The following PCDHGA5 variants were observed in gnomAD, a reference collection of about 807,000 sequenced individuals.
PCDHGA5 encodes protocadherin gamma subfamily A, 5, also known as protocadherin gamma-A5.
PCDHGA5 carries 36 observed loss-of-function variants against 56.7 expected under a neutral mutation model. That is an observed-to-expected ratio of 0.64 (90% CI 0.49 to 0.84). The LOEUF is 0.84. PCDHGA5 is among the 40% of genes least tolerant of loss of function. The pLI, the probability that PCDHGA5 is intolerant of heterozygous loss-of-function variation, is 0.00. For synonymous variants in PCDHGA5, 563 were observed against 520.2 expected (o/e 1.08, Z -1.12); for missense variants, 1,305 against 1,201.5 (o/e 1.09, Z -1.27).
chr5:141,421,265 T>G (rs2154549151), intron 1 of PCDHGA5: 1 of 1,596,914 alleles, frequency 6.3e-7, no homozygotes, highest in Non-Finnish European at 8.5e-7. Flanking sequence ...CGCAGTCGGC[T>G]GCTGCTGCTG....
At chr5:141,388,811 A>C (rs375009380) in intron 1 of PCDHGA5, 21 of 1,613,866 alleles carry the variant, frequency 1.3e-5, no homozygotes, top group Non-Finnish European at 1.6e-5. Context: ...ATTTTGAAGA[A>C]GTCAAAGAAT....
intron 1 of PCDHGA5, among the ~76,000 whole-genome samples, chr5:141,448,669 G>T: frequency 6.6e-6 from 1 of 152,136 alleles, no homozygotes; most frequent in East Asian, 1.9e-4. Flanking sequence ...GGCCGGGCGC[G>T]GTGGCTCACG....
chr5:141,374,893 TGAA>T, intron 1 of PCDHGA5: 1 of 1,613,834 alleles, frequency 6.2e-7, no homozygotes, highest in Non-Finnish European at 8.5e-7. Context: ...CCGACCAGGA[TGAA>T]GGAGTCCACG....
rs774153595 is a variant in PCDHGA5 at position 141,366,148 on chromosome 5, C to A, written c.1818C>A (p.Tyr606Ter). ...CAGGCCAGAACGCCTGGCTGTCCTA[C>A]CGCCTGCTTAAGGCCAGCGAGCCAG... ...KDSGQNAWLS[Y>*]RLLKASEPGL... Residue 606 changes from tyrosine (Y) to a stop codon, truncating the protein, a stop_gained, in exon 1 of 4, where the codon TAC becomes TAA. Coordinates refer to ENST00000518069, the MANE Select transcript of PCDHGA5 (RefSeq NM_018918.3). LOFTEE classifies it high-confidence loss of function. 1.9e-6 allele frequency: 3 copies of A among 1,614,172 alleles called. No individual in the cohort carries two copies. The South Asian group carries it at 3.3e-5, about 18-fold the overall frequency.
Position 141,428,007 on chromosome 5 carries a change from A to T in PCDHGA5, c.2421+61256A>T, listed in dbSNP as rs770851074. 9.4e-6 allele frequency: 15 copies of T among 1,602,018 alleles called. No individual in the cohort carries two copies. In the African/African-American group the frequency reaches 1.5e-4, roughly 16 times the overall value. ...GCCCGATGGCTCCGCACTCTTCGAT[A>T]TAGTGCCACGCGCCGCAGAGTCCGG... On this transcript the variant is annotated intron_variant, in intron 1 of 3. Coordinates refer to ENST00000518069, the MANE Select transcript of PCDHGA5 (RefSeq NM_018918.3).
chr5:141,481,167 A>C (rs77180710), intron 1 of PCDHGA5, among the ~76,000 whole-genome samples: 2,577 of 152,328 alleles, frequency 0.017, 78 homozygotes, highest in African/African-American at 0.059. Flanking sequence ...GCAGAACCAG[A>C]ATCCAGCTTT....
chr5:141,502,900 T>C (rs1433421797), intron 2 of PCDHGA5, among the ~76,000 whole-genome samples: 2 of 147,288 alleles, frequency 1.4e-5, no homozygotes, highest in Non-Finnish European at 3.0e-5. Flanking sequence ...TCTAGCTCTG[T>C]TGCCAGGCTG....
At chr5:141,501,318 C>T (rs1273608837) in intron 2 of PCDHGA5, among the ~76,000 whole-genome samples, 1 of 151,766 alleles carries the variant, frequency 6.6e-6, no homozygotes, top group African/African-American at 2.4e-5. Flanking sequence ...CACACACACA[C>T]ACACACACAC....
At chr5:141,510,277 A>C (rs1242709133) in intron 3 of PCDHGA5, among the ~76,000 whole-genome samples, 5 of 151,916 alleles carry the variant, frequency 3.3e-5, no homozygotes, top group Admixed American at 2.6e-4. Flanking sequence ...CATCTTAAAA[A>C]AAAAAAAAAA....
At chr5:141,446,221 T>C (rs2098493855) in intron 1 of PCDHGA5, among the ~76,000 whole-genome samples, 1 of 152,164 alleles carries the variant, frequency 6.6e-6, no homozygotes, top group African/African-American at 2.4e-5. Flanking sequence ...AATATTGTTG[T>C]GTTGCCTGGC....
rs1379095967 is a variant in PCDHGA5 at position 141,422,752 on chromosome 5, A to C, written c.2421+56001A>C. The C allele has an allele frequency of 6.2e-7, 1 of 1,612,064 alleles. No homozygotes were observed. The highest frequency in any genetic ancestry group is 1.3e-5 in the African/African-American group (1 of 74,892). On this transcript the variant is annotated intron_variant, in intron 1 of 3. Transcript: ENST00000518069. The stretch of plus-strand genomic sequence containing the variant: ...GCCTCTGTCCTCCTATGTCTCTATT[A>C]ACTCCAACACTGGTGTTCTCTATGC...
rs143638501 is a variant in PCDHGA5, at chr5:141,486,817, T to C, written c.2422-7990T>C. On this transcript the variant is annotated intron_variant, in intron 1 of 3. Coordinates refer to ENST00000518069, the MANE Select transcript of PCDHGA5 (RefSeq NM_018918.3). This position sits in a 1 kb window ranked among gnomAD's most constrained non-coding sequence, Gnocchi z 5.0. ...GGGGCAACCCACCCCTTAGCAGCACTGTAACAGTTCGTCTATTTGTGCTGG... is the reference window on the plus strand; with the variant it reads ...GGGGCAACCCACCCCTTAGCAGCACCGTAACAGTTCGTCTATTTGTGCTGG... 153 of 1,614,220 alleles carry C rather than the reference T, an allele frequency of 9.5e-5. 1 individual carries two copies. In the African/African-American group the frequency reaches 1.4e-3, roughly 15 times the overall value.
chr5:141,477,978 T>A lies in PCDHGA5; in HGVS notation c.2422-16829T>A. ...TCCCCTAACCAGAGCCTTTTTGCCA[T>A]AGGGCTGCACACTGGTCAAATCAGT... is the stretch of plus-strand genomic sequence containing the variant. On this transcript the variant is annotated intron_variant, in intron 1 of 3. Transcript: ENST00000518069. The surrounding 1 kb of genome is among the most constrained non-coding windows in gnomAD (Gnocchi z 4.9). The A allele has an allele frequency of 6.2e-7, 1 of 1,614,120 alleles. No individual in the cohort carries two copies. Among genetic ancestry groups the A allele is most frequent in the Non-Finnish European group, 8.5e-7 (1 of 1,180,022 alleles).
In PCDHGA5 at chr5:141,486,223, C is replaced by G. The variant is rs1164723634; in HGVS notation, c.2422-8584C>G. ...ACGTAAATGACAATGCCCCTTACATCACAGTGACCTCAGAGCTTGGAACCC... is the reference window on the plus strand; with the variant it reads ...ACGTAAATGACAATGCCCCTTACATGACAGTGACCTCAGAGCTTGGAACCC... On this transcript the variant is annotated intron_variant, in intron 1 of 3. Coordinates refer to ENST00000518069, the MANE Select transcript of PCDHGA5 (RefSeq NM_018918.3). The surrounding 1 kb of genome is among the most constrained non-coding windows in gnomAD (Gnocchi z 5.0). The G allele has an allele frequency of 6.2e-7, 1 of 1,614,148 alleles. No homozygotes were observed. Among genetic ancestry groups the G allele is most frequent in the Admixed American group, 1.7e-5 (1 of 60,032 alleles).
intron 1 of PCDHGA5, chr5:141,400,710 C>A (rs1480952915): frequency 2.9e-6 from 2 of 693,672 alleles, no homozygotes; most frequent in Non-Finnish European, 4.8e-6. Context: ...AAAGAAGTAG[C>A]CTTATAGATT....
intron 1 of PCDHGA5, chr5:141,374,936 A>G: frequency 6.2e-7 from 1 of 1,614,030 alleles, no homozygotes; most frequent in Non-Finnish European, 8.5e-7. Context: ...TGTGAAGATT[A>G]CAGAAAAGAT....
At chr5:141,418,066 C>T (rs777602456) in intron 1 of PCDHGA5, 1 of 1,613,980 alleles carries the variant, frequency 6.2e-7, no homozygotes, top group Non-Finnish European at 8.5e-7. Flanking sequence ...TGCGAGTGAG[C>T]GCGGAGAAGC....
chr5:141,387,784 T>C (rs2091093181), intron 1 of PCDHGA5: 11 of 1,472,396 alleles, frequency 7.5e-6, no homozygotes, highest in African/African-American at 4.2e-5. Flanking sequence ...GAACTGGAAC[T>C]GCAACTAAAG....
At position 141,366,074 on chromosome 5, in the gene PCDHGA5, G is replaced by A; in HGVS notation, c.1744G>A (p.Ala582Thr). The A allele has an allele frequency of 1.9e-6, 3 of 1,614,218 alleles. No homozygotes were observed. In the South Asian group the frequency reaches 3.3e-5, roughly 18 times the overall value. The change falls in exon 1 of 4, where the codon GCA becomes ACA. Residue 582 changes from alanine to threonine, a missense_variant. By Grantham distance (58) the Ala-to-Thr change is moderately conservative. Coordinates refer to ENST00000518069, the MANE Select transcript of PCDHGA5 (RefSeq NM_018918.3). Reference protein sequence around the residue: ...STGVELAPRSAEPGYLVTKVV... With the variant: ...STGVELAPRSTEPGYLVTKVV... Reference sequence around the variant, plus strand: ...GGGCGTGGAGCTGGCGCCTCGCTCCGCAGAACCTGGCTACCTGGTGACCAA... The same window carrying A: ...GGGCGTGGAGCTGGCGCCTCGCTCCACAGAACCTGGCTACCTGGTGACCAA...
Sources: gnomAD v4.1 joint callset for allele counts (sites outside exome capture counted in the v4.1 genomes callset) on GRCh38, gnomAD v4.1.1 for gene constraint, Gnocchi (gnomAD v3.1) non-coding constraint, MANE v1.5 for transcripts, NCBI Gene and HGNC (gene_info 2026-07-23, HGNC 2026-07-21) for gene names.